The following TTC34 variants were observed in gnomAD, a reference collection of about 807,000 sequenced individuals.
TTC34 encodes the protein tetratricopeptide repeat protein 34.
In TTC34, 44 loss-of-function variants were observed where a neutral mutation model predicts 40.7. The observed-to-expected ratio is 1.08, with a 90% CI of 0.85 to 1.39. The LOEUF is 1.39. TTC34 is among the 40% of genes most tolerant of loss of function. The pLI is 0.00. For synonymous variants in TTC34, 422 were observed against 398.6 expected (o/e 1.06, Z -0.70); for missense variants, 884 against 838.0 (o/e 1.05, Z -0.68).
chr1:2,751,732 A>G (rs1225832296), intron 6 of TTC34, among the ~76,000 whole-genome samples: 2 of 124,998 alleles, frequency 1.6e-5, no homozygotes, highest in Middle Eastern at 4.0e-3. Flanking sequence ...CCACACCCCC[A>G]GGTGAGCATC....
intron 6 of TTC34, among the ~76,000 whole-genome samples, chr1:2,657,369 C>A (rs1486223387): frequency 1.0e-5 from 1 of 95,658 alleles, no homozygotes. Context: ...CAACTTGGAG[C>A]AGCACCCACA....
intron 2 of TTC34, among the ~76,000 whole-genome samples, chr1:2,791,759 C>A (rs1643665768): frequency 6.6e-6 from 1 of 152,012 alleles, no homozygotes; most frequent in South Asian, 2.1e-4. Flanking sequence ...ACCCTTGGGA[C>A]CTGAGGGTGA....
intron 6 of TTC34, among the ~76,000 whole-genome samples, chr1:2,677,809 C>A (rs547770885): frequency 2.5e-5 from 1 of 40,244 alleles, no homozygotes; most frequent in Admixed American, 2.6e-4. Flanking sequence ...ATGGCATCCT[C>A]ACACCCAGTT....
intron 6 of TTC34, among the ~76,000 whole-genome samples, chr1:2,764,135 C>T (rs1310929346): frequency 6.8e-6 from 1 of 147,242 alleles, no homozygotes; most frequent in Admixed American, 6.8e-5. Flanking sequence ...GGAACAGAAC[C>T]CCACTCTTCC....
chr1:2,675,674 G>A (rs1415081529), intron 6 of TTC34, among the ~76,000 whole-genome samples: 1 of 129,552 alleles, frequency 7.7e-6, no homozygotes, highest in Non-Finnish European at 1.6e-5. Flanking sequence ...GCCTGGAGCA[G>A]CACCCACACC....
exon 9 of TTC34, chr1:2,641,160 G>GT (rs1638892360): frequency 2.5e-6 from 1 of 398,584 alleles, no homozygotes; most frequent in Non-Finnish European, 4.2e-6. Flanking sequence ...TGTGGGGAGG[G>GT]TGGGAAGGGG....
chr1:2,700,967 ACAG>A (rs1641106386), intron 6 of TTC34, among the ~76,000 whole-genome samples: 1 of 14,650 alleles, frequency 6.8e-5, no homozygotes, highest in African/African-American at 1.3e-4. Context: ...ACAGCCTGGA[ACAG>A]CACCCACACC....
At chr1:2,687,800 C>A (rs1409422947) in intron 6 of TTC34, among the ~76,000 whole-genome samples, 4 of 149,806 alleles carry the variant, frequency 2.7e-5, no homozygotes, top group East Asian at 3.9e-4. Flanking sequence ...TGGGTCGGCA[C>A]CCACACCTCC....
At chr1:2,652,023 TCGTGGAGCAGCAGCCCACACCCACA>T (rs1265706614) in intron 6 of TTC34, among the ~76,000 whole-genome samples, 4 of 2,062 alleles carry the variant, frequency 1.9e-3, no homozygotes, top group Non-Finnish European at 3.6e-3. Flanking sequence ...GCACCTGACA[TCGTGGAGCAGCAGCCCACACCCACA>T]GGTGAGCATC....
At position 2,762,126 on chromosome 1, in the gene TTC34, C is replaced by A. The variant is rs1322357142; in HGVS notation, c.2226+21483G>T. The stretch of plus-strand genomic sequence containing the variant: ...GCATCTGACAGCCTGGAGCAGCACA[C>A]ACAACCCCAGGCGAGCATCTGACAG... On this transcript the variant is annotated intron_variant, in intron 6 of 8. Coordinates refer to ENST00000401095, the Ensembl canonical transcript of TTC34. Among the ~76,000 whole-genome samples the A allele has an allele frequency of 4.3e-4, 26 of 60,178 alleles. 3 individuals are homozygous for A. The highest frequency in any genetic ancestry group is 1.6e-4 in the Admixed American group (1 of 6,324). 39.5% of individuals were successfully genotyped at this position (60,178 alleles called of 152,430 possible). A position where few individuals can be genotyped will look rare whatever the true frequency, so the allele number is the denominator to read the frequency against.
chr1:2,749,523 TTCCCAGGC>T (rs1641249047), intron 6 of TTC34, among the ~76,000 whole-genome samples: 2 of 15,118 alleles, frequency 1.3e-4, no homozygotes, highest in Admixed American at 6.1e-4. Flanking sequence ...AGCACCCAGA[TTCCCAGGC>T]AAGCATCTGA....
At chr1:2,775,812 C>G (rs1269181466) in intron 6 of TTC34, among the ~76,000 whole-genome samples, 1 of 146,234 alleles carries the variant, frequency 6.8e-6, no homozygotes, top group Non-Finnish European at 1.5e-5. Context: ...CATCTGACAG[C>G]CTGGAGCAGC....
rs1166316178 is a variant in TTC34 at position 2,761,015 on chromosome 1, C to A, written c.2226+22594G>T. Among the ~76,000 whole-genome samples, 9 of 73,006 alleles carry A rather than the reference C, an allele frequency of 1.2e-4. 3 individuals are homozygous for A. Among genetic ancestry groups the A allele is most frequent in the Admixed American group, 6.2e-4 (5 of 8,066 alleles). The allele number at this position is 73,006 out of a possible 152,430, so 47.9% of individuals were successfully genotyped here. On this transcript the variant is annotated intron_variant, in intron 6 of 8. Transcript: ENST00000401095. Reference sequence around the variant, plus strand: ...AGCAGCGCTCACACCCAGAGGTGAGCATATGACCACCTGGAGCAGCACCCA... The same window carrying A: ...AGCAGCGCTCACACCCAGAGGTGAGAATATGACCACCTGGAGCAGCACCCA...
intron 6 of TTC34, among the ~76,000 whole-genome samples, chr1:2,691,323 C>G (rs577582639): frequency 1.1e-5 from 1 of 89,352 alleles, no homozygotes; most frequent in Admixed American, 1.1e-4. Flanking sequence ...CATCCGACAG[C>G]CTGGAGCAGC....
intron 2 of TTC34, among the ~76,000 whole-genome samples, chr1:2,792,640 C>T (rs57033097): frequency 0.018 from 2,713 of 152,312 alleles, 65 homozygotes; most frequent in African/African-American, 0.061. Flanking sequence ...AGTGCCTGTT[C>T]TTTCAGCCCA....
chr1:2,653,313 G>C (rs1407792399), intron 6 of TTC34, among the ~76,000 whole-genome samples: 1 of 149,518 alleles, frequency 6.7e-6, no homozygotes, highest in Non-Finnish European at 1.5e-5. Flanking sequence ...TGACAGCCTG[G>C]AACAGCACAC....
chr1:2,687,019 C>G (rs377702230), intron 6 of TTC34, among the ~76,000 whole-genome samples: 6 of 122,656 alleles, frequency 4.9e-5, no homozygotes, highest in Non-Finnish European at 1.0e-4. Context: ...GGTGAGCATT[C>G]GACAGCCTGG....
chr1:2,686,238 C>A (rs1422997751), intron 6 of TTC34, among the ~76,000 whole-genome samples: 38 of 149,524 alleles, frequency 2.5e-4, no homozygotes, highest in African/African-American at 7.4e-4. Flanking sequence ...GCAGTGCCCA[C>A]ACCCCCAGGT....
chr1:2,690,123 G>C (rs1294347408), intron 6 of TTC34, among the ~76,000 whole-genome samples: 258 of 132,838 alleles, frequency 1.9e-3, no homozygotes, highest in African/African-American at 2.7e-3. Context: ...CTGACTGCCT[G>C]GAACAGCACC....
Sources: gnomAD v4.1 joint callset for allele counts (sites outside exome capture counted in the v4.1 genomes callset) on GRCh38, gnomAD v4.1.1 for gene constraint, MANE v1.5 for transcripts, NCBI Gene and HGNC (gene_info 2026-07-23, HGNC 2026-07-21) for gene names.